The following TRDN variants were observed in gnomAD, a reference collection of about 807,000 sequenced individuals.
TRDN encodes the protein triadin in skeletal muscle.
TRDN carries 161 observed loss-of-function variants against 149.7 expected under a neutral mutation model. That is an observed-to-expected ratio of 1.08 (90% CI 0.95 to 1.23). The LOEUF is 1.23. Among genes scored for constraint, TRDN ranks in the 50% most tolerant of loss-of-function variants. The pLI is 0.00. For synonymous variants in TRDN, 294 were observed against 250.5 expected, an observed-to-expected ratio of 1.17 and a Z score of -1.64; for missense variants, 896 against 823.5, an observed-to-expected ratio of 1.09 and a Z score of -1.08.
At chr6:123,374,079 T>A (rs1273997839) in intron 19 of TRDN, among the ~76,000 whole-genome samples, 1 of 152,166 alleles carries the variant, frequency 6.6e-6, no homozygotes, top group Non-Finnish European at 1.5e-5. Flanking sequence ...TGTTGAAGGA[T>A]AATGGCCATG....
At chr6:123,374,275 T>A (rs975649778) in intron 19 of TRDN, among the ~76,000 whole-genome samples, 2 of 152,126 alleles carry the variant, frequency 1.3e-5, no homozygotes, top group Non-Finnish European at 2.9e-5. Flanking sequence ...TTATTGCAAA[T>A]GAATATTTTT....
intron 38 of TRDN, among the ~76,000 whole-genome samples, chr6:123,240,346 A>T (rs1379985329): frequency 2.6e-5 from 4 of 151,910 alleles, no homozygotes. Context: ...GCTATGAAAA[A>T]AAATTATGAT....
intron 9 of TRDN, among the ~76,000 whole-genome samples, chr6:123,486,591 T>A (rs575830673): frequency 6.6e-6 from 1 of 152,108 alleles, no homozygotes; most frequent in South Asian, 2.1e-4. Context: ...TTTATCATAT[T>A]TAATAGGGCC....
intron 38 of TRDN, among the ~76,000 whole-genome samples, chr6:123,230,098 G>C (rs1775541974): frequency 6.6e-6 from 1 of 151,912 alleles, no homozygotes; most frequent in Admixed American, 6.6e-5. Flanking sequence ...TATGTTTACA[G>C]CGGCACTATT....
intron 5 of TRDN, 83 bp from the exon 6 acceptor site, chr6:123,516,289 A>T: frequency 7.7e-7 from 1 of 1,304,686 alleles, no homozygotes; most frequent in East Asian, 3.2e-5. Context: ...TTGATGTCAA[A>T]ATTTATCTTC....
chr6:123,358,407 C>CT (rs1419025248), intron 20 of TRDN, among the ~76,000 whole-genome samples: 1 of 151,958 alleles, frequency 6.6e-6, no homozygotes, highest in African/African-American at 2.4e-5. Context: ...ACATCCCTCC[C>CT]TTTTTTCTCC....
At chr6:123,281,548 T>C (rs1777584413) in intron 24 of TRDN, among the ~76,000 whole-genome samples, 1 of 152,076 alleles carries the variant, frequency 6.6e-6, no homozygotes, top group Admixed American at 6.6e-5. Flanking sequence ...GTCATATTTC[T>C]TTCTGAGAAT....
At chr6:123,589,804 T>C (rs965650270) in intron 1 of TRDN, among the ~76,000 whole-genome samples, 1 of 152,206 alleles carries the variant, frequency 6.6e-6, no homozygotes, top group African/African-American at 2.4e-5. Context: ...CTTAAGACTG[T>C]AGGCAGAAAA....
At chr6:123,536,227 T>C (rs993714291) in intron 4 of TRDN, among the ~76,000 whole-genome samples, 1 of 152,208 alleles carries the variant, frequency 6.6e-6, no homozygotes, top group African/African-American at 2.4e-5. Flanking sequence ...GCAAGAATTA[T>C]GTCTATTTTG....
At chr6:123,346,729 A>C (rs924220462) in intron 21 of TRDN, among the ~76,000 whole-genome samples, 1 of 152,008 alleles carries the variant, frequency 6.6e-6, no homozygotes, top group African/African-American at 2.4e-5. Context: ...TTTAATAGAT[A>C]TTTGTTGAGT....
intron 1 of TRDN, among the ~76,000 whole-genome samples, chr6:123,590,390 G>C (rs1783720887): frequency 6.6e-6 from 1 of 152,166 alleles, no homozygotes; most frequent in African/African-American, 2.4e-5. Context: ...TCCAGTTACA[G>C]GGAACACACT....
intron 9 of TRDN, among the ~76,000 whole-genome samples, chr6:123,477,398 A>T (rs1447699211): frequency 6.7e-6 from 1 of 149,192 alleles, no homozygotes; most frequent in Non-Finnish European, 1.5e-5. Context: ...ATCATTAAAA[A>T]GTCAGGAAAC....
chr6:123,584,823 A>G (rs1783358468), intron 1 of TRDN, among the ~76,000 whole-genome samples: 1 of 152,168 alleles, frequency 6.6e-6, no homozygotes, highest in African/African-American at 2.4e-5. Flanking sequence ...TATTGAGGAT[A>G]GGAGAGTATA....
At chr6:123,252,489 T>C in intron 37 of TRDN, 54 bp from the exon 38 acceptor site, 7 of 996,894 alleles carry the variant, frequency 7.0e-6, no homozygotes, top group South Asian at 1.8e-5. Context: ...TGCAAGGAAA[T>C]TATAAATCAG....
intron 24 of TRDN, among the ~76,000 whole-genome samples, chr6:123,294,739 G>A (rs1285355237): frequency 6.6e-6 from 1 of 152,104 alleles, no homozygotes; most frequent in African/African-American, 2.4e-5. Flanking sequence ...TGGCCTGGGG[G>A]TTGGGAATCC....
At chr6:123,502,083 A>G in intron 8 of TRDN, 1 of 984,422 alleles carries the variant, frequency 1.0e-6, no homozygotes, top group Non-Finnish European at 1.2e-6. Context: ...TTTATGGTTA[A>G]AAATTAGAAT....
chr6:123,287,812 A>AT (rs1430288114), intron 24 of TRDN, among the ~76,000 whole-genome samples: 7 of 152,072 alleles, frequency 4.6e-5, no homozygotes, highest in African/African-American at 1.7e-4. Context: ...AATAGACTTG[A>AT]TGTTCTAATG....
chr6:123,350,038 A>C (rs1582902995), intron 21 of TRDN: 1 of 984,932 alleles, frequency 1.0e-6, no homozygotes, highest in East Asian at 1.1e-4. Context: ...ATTTAAGGCA[A>C]AGTTGAATAT....
chr6:123,253,765 T>A (rs1333591100), intron 37 of TRDN, among the ~76,000 whole-genome samples: 1 of 152,140 alleles, frequency 6.6e-6, no homozygotes, highest in Non-Finnish European at 1.5e-5. Flanking sequence ...GAAGTCTGAA[T>A]CAGAAGTCTG....
Sources: gnomAD v4.1 joint callset for allele counts (sites outside exome capture counted in the v4.1 genomes callset) on GRCh38, gnomAD v4.1.1 for gene constraint, MANE v1.5 for transcripts, NCBI Gene and HGNC (gene_info 2026-07-23, HGNC 2026-07-21) for gene names.